The following DOCK4 variants were observed in gnomAD, a reference collection of about 807,000 sequenced individuals.
DOCK4 encodes dedicator of cytokinesis protein 4.
A neutral mutation model predicts 268.1 loss-of-function variants in DOCK4; 97 were observed. The ratio of observed to expected loss-of-function variants is 0.36; its 90% CI spans 0.31 to 0.43. The LOEUF (loss-of-function observed/expected upper bound fraction) is 0.43, where lower values mean the gene tolerates loss of function less well. Ranked by LOEUF, DOCK4 falls within the 20% of genes least tolerant of loss-of-function variation. The pLI is 1.00. For missense variants in DOCK4, 2,145 were observed against 2,455.7 expected (o/e 0.87, Z 2.67); for synonymous variants, 954 against 887.2 (o/e 1.08, Z -1.34).
At chr7:112,008,797 C>G (rs1013988655) in intron 1 of DOCK4, among the ~76,000 whole-genome samples, 6 of 152,192 alleles carry the variant, frequency 3.9e-5, no homozygotes, top group Admixed American at 3.9e-4. Flanking sequence ...AGTTCGAGAT[C>G]AGCCTTGCTA....
At chr7:111,917,654 C>T (rs757424079) in intron 12 of DOCK4, among the ~76,000 whole-genome samples, 27 of 150,778 alleles carry the variant, frequency 1.8e-4, no homozygotes, top group Non-Finnish European at 3.4e-4. Flanking sequence ...TGCAGTGAGC[C>T]GAGATCGCAC....
chr7:112,014,275 G>A (rs143597368), intron 1 of DOCK4, among the ~76,000 whole-genome samples: 210 of 152,216 alleles, frequency 1.4e-3, no homozygotes, highest in Non-Finnish European at 2.5e-3. Flanking sequence ...TCTTTTATGC[G>A]CATTTAATCC....
chr7:112,187,187 G>A (rs748774190), intron 1 of DOCK4, among the ~76,000 whole-genome samples: 1 of 152,056 alleles, frequency 6.6e-6, no homozygotes, highest in African/African-American at 2.4e-5. Context: ...TAACTCACGT[G>A]TTACAACCAT....
intron 23 of DOCK4, among the ~76,000 whole-genome samples, chr7:111,848,237 T>C (rs1804270473): frequency 6.6e-6 from 1 of 152,212 alleles, no homozygotes; most frequent in Non-Finnish European, 1.5e-5. Context: ...CCATACCTTA[T>C]CTTCCAAATC....
chr7:111,736,708 C>T (rs1251596781), intron 50 of DOCK4, among the ~76,000 whole-genome samples: 1 of 152,180 alleles, frequency 6.6e-6, no homozygotes, highest in African/African-American at 2.4e-5. Context: ...CTATCTTGCT[C>T]AGATTCTGCT....
At chr7:112,065,182 G>C (rs1335108105) in intron 1 of DOCK4, among the ~76,000 whole-genome samples, 1 of 152,072 alleles carries the variant, frequency 6.6e-6, no homozygotes, top group Non-Finnish European at 1.5e-5. Context: ...GAACATCTCT[G>C]TGCATTCTCC....
intron 47 of DOCK4, among the ~76,000 whole-genome samples, chr7:111,740,678 A>G (rs1305468500): frequency 7.3e-6 from 1 of 137,482 alleles, no homozygotes; most frequent in African/African-American, 2.7e-5. Context: ...GGTTGCAGTG[A>G]GCCAAGATCG....
intron 7 of DOCK4, among the ~76,000 whole-genome samples, chr7:111,978,619 G>GAGGAA (rs1798383108): frequency 3.3e-5 from 5 of 152,180 alleles, no homozygotes; most frequent in Admixed American, 3.3e-4. Flanking sequence ...CTTTAGCTGA[G>GAGGAA]AGGTAAGGAG....
At chr7:111,750,826 A>G (rs1227680943) in intron 42 of DOCK4, among the ~76,000 whole-genome samples, 1 of 152,202 alleles carries the variant, frequency 6.6e-6, no homozygotes, top group African/African-American at 2.4e-5. Context: ...ACATTTTTAA[A>G]TTTAATAACT....
chr7:111,956,155 T>C (rs1321175569), intron 8 of DOCK4, among the ~76,000 whole-genome samples: 1 of 152,176 alleles, frequency 6.6e-6, no homozygotes, highest in African/African-American at 2.4e-5. Flanking sequence ...TGACATTTCG[T>C]GAGAAAAGAA....
In DOCK4 at chr7:111,765,166, C is replaced by T. The variant is rs1434688241; in HGVS notation, c.3972G>A (p.Glu1324=). 1 of 1,553,134 alleles carries T rather than the reference C, an allele frequency of 6.4e-7. No individual in the cohort carries two copies. The highest frequency in any genetic ancestry group is 8.7e-7 in the Non-Finnish European group (1 of 1,151,616). The stretch of plus-strand genomic sequence containing the variant: ...TTCCATAAAATCCAACTCTGAAGAA[C>T]TCTGGTTCAAGACGTTGCTGGTCCA... ...KIMDQQRLEP[E]FFRVGFYGKK... is the part of the protein sequence containing the mutation. Residue 1324 remains glutamate (E), a synonymous_variant, in exon 39 of 53, where the codon GAG becomes GAA. Coordinates refer to ENST00000428084, the MANE Select transcript of DOCK4 (RefSeq NM_001363540.2).
At chr7:112,136,449 TA>T (rs1011400104) in intron 1 of DOCK4, among the ~76,000 whole-genome samples, 1 of 152,134 alleles carries the variant, frequency 6.6e-6, no homozygotes, top group Non-Finnish European at 1.5e-5. Flanking sequence ...TACGAGAAGA[TA>T]AATCTGCTAC....
intron 15 of DOCK4, 22 bp from the exon 16 acceptor site, chr7:111,895,740 C>G (rs764989671): frequency 1.2e-6 from 2 of 1,602,912 alleles, no homozygotes; most frequent in Non-Finnish European, 1.7e-6. Context: ...AAATTACTTG[C>G]TTATTTAAGT....
intron 1 of DOCK4, among the ~76,000 whole-genome samples, chr7:112,066,281 C>G (rs371093150): frequency 5.5e-4 from 83 of 152,128 alleles, no homozygotes; most frequent in African/African-American, 2.0e-3. Context: ...CAGGGACACT[C>G]TTCTTTTACT....
chr7:111,977,618 C>T (rs1798306776), intron 7 of DOCK4, among the ~76,000 whole-genome samples: 1 of 152,182 alleles, frequency 6.6e-6, no homozygotes, highest in African/African-American at 2.4e-5. Flanking sequence ...TAACAACTCA[C>T]TGAGTAGATT....
At chr7:112,095,861 C>T (rs1810081176) in intron 1 of DOCK4, among the ~76,000 whole-genome samples, 1 of 152,132 alleles carries the variant, frequency 6.6e-6, no homozygotes, top group Admixed American at 6.5e-5. Flanking sequence ...GCAGGCAGAT[C>T]TCCTGAGGTC....
At chr7:112,162,745 T>C (rs1030929887) in intron 1 of DOCK4, among the ~76,000 whole-genome samples, 1 of 152,198 alleles carries the variant, frequency 6.6e-6, no homozygotes, top group African/African-American at 2.4e-5. Flanking sequence ...GGCTAAACTT[T>C]ACCTGATGTT....
chr7:111,789,560 G>T (rs1452412575), intron 31 of DOCK4, among the ~76,000 whole-genome samples: 1 of 152,120 alleles, frequency 6.6e-6, no homozygotes, highest in Non-Finnish European at 1.5e-5. Flanking sequence ...AAGACAAGGG[G>T]GAAGGAAAGT....
At chr7:111,860,564 C>G (rs748477978) in intron 23 of DOCK4, among the ~76,000 whole-genome samples, 1 of 152,352 alleles carries the variant, frequency 6.6e-6, no homozygotes, top group East Asian at 1.9e-4. Context: ...TGTGTGGGAC[C>G]TTCCCACACA....
Sources: allele counts gnomAD v4.1 joint callset (sites outside exome capture counted in the v4.1 genomes callset), GRCh38; gene constraint gnomAD v4.1.1; transcripts MANE v1.5; gene names NCBI Gene and HGNC (gene_info 2026-07-23, HGNC 2026-07-21).